Variants in NALF1 observed in about 807,000 individuals in gnomAD.
The protein encoded by NALF1 is family with sequence similarity 155 member A.
Under a neutral mutation model 48.4 loss-of-function variants are expected in NALF1, and 3 were observed. The observed-to-expected ratio is 0.06, with a 90% CI of 0.03 to 0.16. The LOEUF (loss-of-function observed/expected upper bound fraction) is 0.16. Among genes scored for constraint, NALF1 ranks in the 10% least tolerant of loss-of-function variants. NALF1 has a pLI of 1.00. For synonymous variants in NALF1, 262 were observed against 245.7 expected, an observed-to-expected ratio of 1.07 and a Z score of -0.62; for missense variants, 526 against 571.5, an observed-to-expected ratio of 0.92 and a Z score of 0.81.
intron 2 of NALF1, among the ~76,000 whole-genome samples, chr13:107,205,917 G>T (rs1283606610): frequency 6.6e-6 from 1 of 152,016 alleles, no homozygotes; most frequent in Admixed American, 6.5e-5. Context: ...CTGGAATGAG[G>T]CGAGGGAGTG....
At chr13:107,802,761 A>C (rs993820264) in intron 1 of NALF1, among the ~76,000 whole-genome samples, 1 of 152,308 alleles carries the variant, frequency 6.6e-6, no homozygotes, top group Admixed American at 6.5e-5. Context: ...TGAACGAATA[A>C]ATAAAAATTG....
At chr13:107,474,468 C>T (rs77755942) in intron 1 of NALF1, among the ~76,000 whole-genome samples, 2,410 of 152,152 alleles carry the variant, frequency 0.016, 57 homozygotes, top group East Asian at 0.1. Flanking sequence ...TATTGATACT[C>T]GTATGGTTTA....
intron 1 of NALF1, among the ~76,000 whole-genome samples, chr13:107,264,647 C>T (rs1428549773): frequency 6.6e-6 from 1 of 152,230 alleles, no homozygotes; most frequent in Non-Finnish European, 1.5e-5. Flanking sequence ...GAAGGAACAA[C>T]TATTAATAGT....
In NALF1 at chr13:107,210,742, G is replaced by T; in HGVS notation, c.929C>A (p.Ala310Asp). 1.2e-6 allele frequency: 2 copies of T among 1,611,276 alleles called. No individual in the cohort carries two copies. The highest frequency in any genetic ancestry group is 8.5e-7 in the Non-Finnish European group (1 of 1,177,468). ...CPEDCKIVYK[A>D]WLCSQYFEVT... ...TTCAAAATACTGGGAACAGAGCCAGGCTTTGTAGACAATCTGAAAAAAAGA... is the reference window on the plus strand; with the variant it reads ...TTCAAAATACTGGGAACAGAGCCAGTCTTTGTAGACAATCTGAAAAAAAGA... The change falls in exon 2 of 3, where the codon GCC (alanine) becomes GAC (aspartate). Residue 310 changes from alanine (A) to aspartate (D), a missense_variant. By Grantham distance (126) the Ala-to-Asp change is moderately radical. Around this residue, in one of 2 missense-constraint regions of NALF1, gnomAD observed 153 missense variants for 215.9 expected, o/e 0.71. Coordinates refer to ENST00000375915, the MANE Select transcript of NALF1 (RefSeq NM_001080396.3).
intron 1 of NALF1, among the ~76,000 whole-genome samples, chr13:107,459,947 G>A (rs560584114): frequency 3.9e-5 from 6 of 152,082 alleles, no homozygotes; most frequent in Admixed American, 6.5e-5. Context: ...TCACTATGTT[G>A]CCCAAACTGG....
chr13:107,539,732 G>A (rs529740470), intron 1 of NALF1, among the ~76,000 whole-genome samples: 2 of 152,126 alleles, frequency 1.3e-5, no homozygotes, highest in South Asian at 2.1e-4. Context: ...ACTTGCAATG[G>A]CTCTTTGAAA....
intron 1 of NALF1, among the ~76,000 whole-genome samples, chr13:107,422,303 G>A (rs913338348): frequency 3.9e-5 from 6 of 152,128 alleles, no homozygotes; most frequent in Admixed American, 3.9e-4. Flanking sequence ...AAACTCAACT[G>A]CTTTCATGCT....
At chr13:107,592,788 A>C (rs185672363) in intron 1 of NALF1, among the ~76,000 whole-genome samples, 77 of 152,028 alleles carry the variant, frequency 5.1e-4, no homozygotes, top group African/African-American at 1.8e-3. Context: ...ATGACTTTTA[A>C]CAGCATTTGT....
At chr13:107,232,082 G>T (rs1202466811) in intron 1 of NALF1, among the ~76,000 whole-genome samples, 2 of 152,234 alleles carry the variant, frequency 1.3e-5, no homozygotes, top group Non-Finnish European at 2.9e-5. Context: ...TAACAAGGCA[G>T]GTCTGGGAAG....
chr13:107,622,648 T>G (rs1423754498), intron 1 of NALF1, among the ~76,000 whole-genome samples: 1 of 152,226 alleles, frequency 6.6e-6, no homozygotes, highest in Non-Finnish European at 1.5e-5. Flanking sequence ...CAAATCATTC[T>G]GCTCAGATGG....
intron 2 of NALF1, among the ~76,000 whole-genome samples, chr13:107,207,056 A>AT (rs931760851): frequency 2.6e-5 from 4 of 152,106 alleles, no homozygotes; most frequent in Non-Finnish European, 4.4e-5. Flanking sequence ...ATGCTTGATG[A>AT]TTTTTTTCAA....
intron 1 of NALF1, among the ~76,000 whole-genome samples, chr13:107,363,418 A>G (rs9555354): frequency 0.12 from 17,697 of 152,186 alleles, 1,253 homozygotes; most frequent in East Asian, 0.31. Context: ...ACATAGTGAG[A>G]CCACGTTTCT....
At chr13:107,816,955 T>C (rs1879185171) in intron 1 of NALF1, among the ~76,000 whole-genome samples, 1 of 152,228 alleles carries the variant, frequency 6.6e-6, no homozygotes. Context: ...CTTTTCCTTT[T>C]TATACATATG....
chr13:107,752,508 A>G lies in NALF1; in HGVS notation c.915+113174T>C, dbSNP rs201351362. ...CAAAATATGGTGTGGGTGTGTGTGT[A>G]ATGGAATAATGGAATACTATTCAGC... On this transcript the variant is annotated intron_variant, in intron 1 of 2. Coordinates refer to ENST00000375915, the MANE Select transcript of NALF1 (RefSeq NM_001080396.3). Among the ~76,000 whole-genome samples, 3 of 152,136 alleles carry G rather than the reference A, an allele frequency of 2.0e-5. No homozygotes were observed. The East Asian group carries it at 5.8e-4, about 29-fold the overall frequency.
At chr13:107,707,132 C>G (rs1485267069) in intron 1 of NALF1, among the ~76,000 whole-genome samples, 1 of 151,378 alleles carries the variant, frequency 6.6e-6, no homozygotes, top group Non-Finnish European at 1.5e-5. Context: ...CCGTTTTAGC[C>G]GGGATGGTCT....
In NALF1 at chr13:107,825,849, C is replaced by T. The variant is rs147841292; in HGVS notation, c.915+39833G>A. On this transcript the variant is annotated intron_variant, in intron 1 of 2. Coordinates refer to ENST00000375915, the MANE Select transcript of NALF1 (RefSeq NM_001080396.3). ...AGGCTGGAGTGCAATGGCAACATCT[C>T]GGCTCACTGCAACCTCCACCTCCTG... Among the ~76,000 whole-genome samples, 1,292 of 152,258 alleles carry T rather than the reference C, an allele frequency of 8.5e-3. 16 individuals carry two copies. The highest frequency in any genetic ancestry group is 0.03 in the African/African-American group (1,228 of 41,550).
chr13:107,709,562 A>G (rs1875505996), intron 1 of NALF1, among the ~76,000 whole-genome samples: 1 of 152,244 alleles, frequency 6.6e-6, no homozygotes, highest in South Asian at 2.1e-4. Flanking sequence ...GATTGCAACC[A>G]TATCAATGTA....
At chr13:107,689,687 T>C (rs749424355) in intron 1 of NALF1, among the ~76,000 whole-genome samples, 3 of 152,200 alleles carry the variant, frequency 2.0e-5, no homozygotes, top group Non-Finnish European at 4.4e-5. Context: ...AATCTGGGAA[T>C]GGGACAGTGA....
intron 1 of NALF1, among the ~76,000 whole-genome samples, chr13:107,577,612 G>A: frequency 6.6e-6 from 1 of 152,190 alleles, no homozygotes; most frequent in African/African-American, 2.4e-5. Context: ...GTGATTTAAA[G>A]AATGATCCTA....
Sources: gnomAD v4.1 joint callset for allele counts (sites outside exome capture counted in the v4.1 genomes callset) on GRCh38, gnomAD v4.1.1 for gene constraint, gnomAD v4.1.1 regional missense constraint, MANE v1.5 for transcripts, NCBI Gene and HGNC (gene_info 2026-07-23, HGNC 2026-07-21) for gene names.